LRRC43: variants seen among roughly 807,000 people sequenced by gnomAD.
LRRC43 encodes leucine-rich repeat-containing protein 43.
In LRRC43, 62 loss-of-function variants were observed where a neutral mutation model predicts 64.3. The observed-to-expected ratio is 0.96, with a 90% CI of 0.79 to 1.19. LRRC43 has a LOEUF of 1.19. Ranked by LOEUF, LRRC43 falls within the 50% of genes most tolerant of loss-of-function variation. The pLI is 0.00. For synonymous variants in LRRC43, 422 were observed against 382.3 expected (o/e 1.10, Z -1.21); for missense variants, 868 against 845.0 (o/e 1.03, Z -0.34).
At chr12:122,192,135 A>C (rs1344799962) in intron 6 of LRRC43, among the ~76,000 whole-genome samples, 1 of 147,684 alleles carries the variant, frequency 6.8e-6, no homozygotes, top group Non-Finnish European at 1.5e-5. Flanking sequence ...TCTGCAATTT[A>C]TTTCTTTTTT....
At chr12:122,172,143 C>T in intron 1 of LRRC43, 1 of 338,002 alleles carries the variant, frequency 3.0e-6, no homozygotes, top group Non-Finnish European at 5.4e-6. Context: ...CCACCTCCCA[C>T]CCTCACGAGG....
At chr12:122,168,259 G>A (rs1354821322) in intron 1 of LRRC43, among the ~76,000 whole-genome samples, 6 of 151,188 alleles carry the variant, frequency 4.0e-5, no homozygotes, top group Non-Finnish European at 1.5e-5. Context: ...TGGCCAACCT[G>A]GTGAAACCCC....
At chr12:122,174,704 G>A in intron 1 of LRRC43, among the ~76,000 whole-genome samples, 1 of 152,156 alleles carries the variant, frequency 6.6e-6, no homozygotes, top group Non-Finnish European at 1.5e-5. Flanking sequence ...CTGTGAATGT[G>A]GCGGGTCGAA....
intron 11 of LRRC43, chr12:122,202,317 A>G (rs1200945975): frequency 1.3e-5 from 2 of 152,146 alleles, no homozygotes; most frequent in African/African-American, 2.4e-5. Flanking sequence ...GACGTGCACA[A>G]AGAAAATCCA....
chr12:122,182,892 G>A (rs115386963), upstream of LRRC43: 668 of 530,318 alleles, frequency 1.3e-3, 2 homozygotes, highest in African/African-American at 0.012. Flanking sequence ...ATGACTTTCC[G>A]TGGGGAGTGC....
intron 4 of LRRC43, among the ~76,000 whole-genome samples, chr12:122,188,306 A>T (rs570975986): frequency 1.2e-4 from 18 of 151,786 alleles, no homozygotes; most frequent in Admixed American, 1.0e-3. Context: ...ACGGGGTTTC[A>T]CTGTGTTAGC....
intron 6 of LRRC43, 131 bp from the exon 7 acceptor site, chr12:122,192,614 C>G (rs1953730815): frequency 2.0e-6 from 2 of 1,024,006 alleles, no homozygotes; most frequent in Non-Finnish European, 2.9e-6. Flanking sequence ...CTTCCTGCCT[C>G]CTAGCGTGGT....
chr12:122,192,816 C>G lies in LRRC43; in HGVS notation c.1161C>G (p.Ile387Met). 1.2e-6 allele frequency: 2 copies of G among 1,611,944 alleles called. No individual in the cohort carries two copies. The highest frequency in any genetic ancestry group is 1.7e-6 in the Non-Finnish European group (2 of 1,179,982). The stretch of plus-strand genomic sequence containing the variant: ...CTGAAGAGGTCGTGGAAGACGTCAT[C>G]GAAGACATTGTTGAAGAGGTTACTG... The part of the protein sequence containing the change: ...ESPEEVVEDV[I>M]EDIVEEVTEE... Residue 387 changes from isoleucine to methionine, a missense_variant, in exon 7 of 12, where the codon ATC becomes ATG. Ile to Met is a conservative substitution (Grantham distance 10). Coordinates refer to ENST00000339777, the MANE Select transcript of LRRC43 (RefSeq NM_001098519.2).
intron 1 of LRRC43, chr12:122,172,130 C>A (rs773445744): frequency 2.6e-5 from 8 of 302,040 alleles, no homozygotes; most frequent in Non-Finnish European, 2.5e-5. Flanking sequence ...ATTAACATAG[C>A]TGCCACCTCC....
rs775863004 is a variant in LRRC43 at position 122,170,710 on chromosome 12, T to C, written c.-406+2928T>C. Among the ~76,000 whole-genome samples, 35 of 152,218 alleles carry C rather than the reference T, an allele frequency of 2.3e-4. No homozygotes were observed. The Middle Eastern group carries it at 0.01, about 44-fold the overall frequency. ...AAAAATGAGAAGTCCAAGACTGAAG[T>C]GCGTGTCTCAGAGTCCTAACCACAT... On this transcript the variant is annotated intron_variant, in intron 1 of 5. Transcript: ENST00000537729.
At chr12:122,177,612 C>G (rs1006707516) in intron 1 of LRRC43, among the ~76,000 whole-genome samples, 1 of 151,854 alleles carries the variant, frequency 6.6e-6, no homozygotes, top group Admixed American at 6.6e-5. Flanking sequence ...TCAAGCAGCC[C>G]TCTTACCCCA....
Position 122,183,165 on chromosome 12 carries a change from C to T in LRRC43, c.21C>T (p.Ser7=), listed in dbSNP as rs767979161. 1.7e-5 allele frequency: 26 copies of T among 1,550,074 alleles called. No homozygotes were observed. In the South Asian group the frequency reaches 2.7e-4, roughly 16 times the overall value. The change falls in exon 1 of 12, where the codon TCC becomes TCT. Residue 7 remains serine, a synonymous_variant. Transcript: ENST00000339777. ...GGGCCATGGAGGCGTCGTACGAGTC[C>T]GAGTCCGAGTCCGAGTCTGAGGCCG... is the stretch of plus-strand genomic sequence containing the variant. MEASYE[S]ESESESEAGP...
intron 2 of LRRC43, among the ~76,000 whole-genome samples, chr12:122,185,159 A>G (rs1953628942): frequency 6.6e-6 from 1 of 152,120 alleles, no homozygotes; most frequent in African/African-American, 2.4e-5. Context: ...ACCAAAAAGC[A>G]TTCTTTGTTT....
intron 3 of LRRC43, among the ~76,000 whole-genome samples, chr12:122,186,690 A>G (rs1304480685): frequency 3.3e-5 from 5 of 152,156 alleles, no homozygotes; most frequent in Non-Finnish European, 7.3e-5. Flanking sequence ...AGGCCGAGGC[A>G]GGTGGATCAC....
At chr12:122,169,053 GATA>G (rs1953462834) in intron 1 of LRRC43, among the ~76,000 whole-genome samples, 1 of 152,136 alleles carries the variant, frequency 6.6e-6, no homozygotes, top group African/African-American at 2.4e-5. Flanking sequence ...AGGGGTGCGT[GATA>G]CCCAAGCGTG....
At chr12:122,196,123 C>T (rs1428596030) in intron 7 of LRRC43, among the ~76,000 whole-genome samples, 1 of 152,178 alleles carries the variant, frequency 6.6e-6, no homozygotes, top group Non-Finnish European at 1.5e-5. Context: ...AGTGACTTGG[C>T]TCTTCAGCAC....
upstream of LRRC43, among the ~76,000 whole-genome samples, chr12:122,181,629 A>G (rs1222781359): frequency 1.5e-5 from 2 of 137,824 alleles, no homozygotes; most frequent in Middle Eastern, 7.9e-3. Context: ...TTTTTTTGAG[A>G]CAGTCTCACT....
chr12:122,186,740 G>A (rs901939383), intron 3 of LRRC43, among the ~76,000 whole-genome samples: 16 of 152,216 alleles, frequency 1.1e-4, no homozygotes, highest in African/African-American at 1.9e-4. Flanking sequence ...CCAACATGGC[G>A]AAACCCCATC....
chr12:122,187,092 G>A (rs774153479), intron 3 of LRRC43, among the ~76,000 whole-genome samples: 2 of 151,508 alleles, frequency 1.3e-5, no homozygotes, highest in Non-Finnish European at 2.9e-5. Flanking sequence ...TTAGCCAGGC[G>A]TCGTGGCTGG....
Sources: gnomAD v4.1 joint callset for allele counts (sites outside exome capture counted in the v4.1 genomes callset) on GRCh38, gnomAD v4.1.1 for gene constraint, MANE v1.5 for transcripts, NCBI Gene and HGNC (gene_info 2026-07-23, HGNC 2026-07-21) for gene names.